SFXN4: variants seen among roughly 807,000 people sequenced by gnomAD.
SFXN4 encodes the protein sideroflexin 4, also known as sideroflexin-4.
A neutral mutation model predicts 54.6 loss-of-function variants in SFXN4; 48 were observed. The observed-to-expected ratio is 0.88, with a 90% CI of 0.70 to 1.12. SFXN4 has a LOEUF of 1.12. SFXN4 is among the 50% of genes most tolerant of loss of function. The probability of loss-of-function intolerance (pLI) is 0.00; values close to 1 mark genes in which losing one functional copy is unlikely to be tolerated. For missense variants in SFXN4, 383 were observed against 409.2 expected (o/e 0.94, Z 0.55); for synonymous variants, 130 against 145.5 (o/e 0.89, Z 0.77).
intron 5 of SFXN4, among the ~76,000 whole-genome samples, chr10:119,160,555 ATAAT>A (rs1354377542): frequency 2.0e-5 from 3 of 150,774 alleles, no homozygotes; most frequent in Non-Finnish European, 3.0e-5. Context: ...TGGGGGAGAA[ATAAT>A]TAAAGCAAGG....
At chr10:119,162,793 T>C (rs1274092491) in intron 2 of SFXN4, among the ~76,000 whole-genome samples, 1 of 152,112 alleles carries the variant, frequency 6.6e-6, no homozygotes, top group Non-Finnish European at 1.5e-5. Flanking sequence ...TTTCTTTCTT[T>C]CTTTTCTTAT....
At chr10:119,141,443 C>A in intron 13 of SFXN4, 124 bp from the exon 14 acceptor site, 1 of 455,182 alleles carries the variant, frequency 2.2e-6, no homozygotes, top group Non-Finnish European at 3.8e-6. Context: ...AATGTCTAAT[C>A]TATAGCAGAA....
intron 13 of SFXN4, 140 bp downstream of exon 13, chr10:119,146,096 G>T (rs147478347): frequency 6.0e-5 from 32 of 531,998 alleles, no homozygotes; most frequent in African/African-American, 6.0e-4. Flanking sequence ...AAAGTGCTGG[G>T]ATTACAGGTG....
chr10:119,146,461 GCAC>G (rs1564814741), intron 12 of SFXN4, 108 bp from the exon 13 acceptor site: 93 of 473,176 alleles, frequency 2.0e-4, no homozygotes, highest in Admixed American at 1.9e-3. Flanking sequence ...GTGTGTGTGT[GCAC>G]GTGTGTGTGT....
chr10:119,159,729 G>A lies in SFXN4; in HGVS notation c.359C>T (p.Thr120Met), dbSNP rs1254398721. The A allele has an allele frequency of 8.1e-6, 13 of 1,613,852 alleles. No individual in the cohort carries two copies. Among genetic ancestry groups the A allele is most frequent in the Admixed American group, 1.7e-5 (1 of 59,978 alleles). Residue 120 changes from threonine to methionine, a missense_variant and splice_region_variant, in exon 6 of 14, where the codon ACG (threonine) becomes ATG (methionine). Transcript: ENST00000355697. The stretch of plus-strand genomic sequence containing the variant: ...AACGGCAAATGTCTGCTTGCTCACC[G>A]TGGGTGCCATGAAAGGCAGGAACGC... ...PAAFLPFMAP[T>M]VFLSMTPLKG...
At chr10:119,159,011 G>A (rs1367842812) in intron 6 of SFXN4, among the ~76,000 whole-genome samples, 1 of 150,514 alleles carries the variant, frequency 6.6e-6, no homozygotes, top group Non-Finnish European at 1.5e-5. Context: ...CAGGCATGGT[G>A]GCTCACGCCT....
chr10:119,145,719 G>T (rs969714647), intron 13 of SFXN4, among the ~76,000 whole-genome samples: 1 of 152,076 alleles, frequency 6.6e-6, no homozygotes, highest in African/African-American at 2.4e-5. Context: ...TAAGCCTTCC[G>T]GTCAACAGTA....
Position 119,142,726 on chromosome 10 carries a change from AT to A in SFXN4, c.937-1408del, listed in dbSNP as rs573311460. On this transcript the variant is annotated intron_variant, in intron 13 of 13. Coordinates refer to ENST00000355697, the MANE Select transcript of SFXN4 (RefSeq NM_213649.2). Reference sequence around the variant, plus strand: ...CCACCACGTCCAGCTAATGTTTTGAATTTTTTTTTTTTTTTTTTTTTTTGAT... The same window carrying A: ...CCACCACGTCCAGCTAATGTTTTGAATTTTTTTTTTTTTTTTTTTTTTGAT... Among the ~76,000 whole-genome samples the A allele has an allele frequency of 0.017, 1,317 of 77,428 alleles. 41 individuals carry two copies. The East Asian group carries it at 0.19, about 11-fold the overall frequency. 50.8% of individuals were successfully genotyped at this position (77,428 alleles called of 152,430 possible). A position where few individuals can be genotyped will look rare whatever the true frequency, so the allele number is the denominator to read the frequency against.
In SFXN4 at chr10:119,156,695, A is replaced by T; in HGVS notation, c.599T>A (p.Leu200Ter). 1 of 1,611,020 alleles carries T rather than the reference A, an allele frequency of 6.2e-7. No homozygotes were observed. Among genetic ancestry groups the T allele is most frequent in the Non-Finnish European group, 8.5e-7 (1 of 1,178,384 alleles). Residue 200 changes from leucine (L) to a stop codon, truncating the protein, a stop_gained, in exon 10 of 14, where the codon TTA becomes TAA. Transcript: ENST00000355697. LOFTEE classifies it high-confidence loss of function. The part of the protein sequence containing the change: ...GLTGPWIKRL[L>*]PVIFLVQASG... ...CTGCTCACCGAGGAAGATCACAGGT[A>T]AGAGTCTTTTAATCCAAGGGCCAGT...
chr10:119,141,219 A>G lies in SFXN4; in HGVS notation c.*23T>C, dbSNP rs1846507556. The G allele has an allele frequency of 1.9e-6, 3 of 1,572,430 alleles. No homozygotes were observed. The African/African-American group carries it at 4.1e-5, about 21-fold the overall frequency. On this transcript the variant is annotated 3_prime_UTR_variant, in exon 14 of 14. Transcript: ENST00000355697. ...GGGAAGGTTTTCAAGCAGGAACCAC[A>G]TAAATTCACCTAAAACTCACGCCTA...
Position 119,164,268 on chromosome 10 carries a change from C to CTTTTT in SFXN4, c.112-77_112-73dup, listed in dbSNP as rs35023478. On this transcript the variant is annotated intron_variant, in intron 1 of 13. Transcript: ENST00000355697. The stretch of plus-strand genomic sequence containing the variant: ...TAAAGATATAAATACTAACAGTTGG[C>CTTTTT]TTTTTTTTTTTTTTTCTGAGAACCT... The CTTTTT allele has an allele frequency of 8.1e-3, 4,071 of 502,858 alleles. 15 individuals are homozygous for CTTTTT. Among genetic ancestry groups the CTTTTT allele is most frequent in the Middle Eastern group, 0.018 (32 of 1,762 alleles). The allele number at this position is 502,858 out of a possible 1,614,324, so 31.1% of individuals were successfully genotyped here.
At chr10:119,159,979 C>G (rs981676182) in intron 5 of SFXN4, among the ~76,000 whole-genome samples, 77 of 152,162 alleles carry the variant, frequency 5.1e-4, no homozygotes, top group African/African-American at 1.8e-3. Flanking sequence ...GAGTTCGAGA[C>G]CAGCCTCTAT....
intron 13 of SFXN4, among the ~76,000 whole-genome samples, chr10:119,143,566 AC>A (rs1180932309): frequency 6.6e-6 from 1 of 151,446 alleles, no homozygotes; most frequent in Non-Finnish European, 1.5e-5. Context: ...CTGGTCTCGA[AC>A]CCTGAGCTCA....
chr10:119,149,246 C>T (rs1846950059), intron 11 of SFXN4, among the ~76,000 whole-genome samples: 1 of 152,274 alleles, frequency 6.6e-6, no homozygotes, highest in Non-Finnish European at 1.5e-5. Context: ...CACCTGCGCC[C>T]GTCCTTCCCT....
chr10:119,160,132 T>C (rs1372540081), intron 5 of SFXN4, among the ~76,000 whole-genome samples: 1 of 151,884 alleles, frequency 6.6e-6, no homozygotes, highest in African/African-American at 2.4e-5. Flanking sequence ...TGAGCTATTA[T>C]GGTGCTACTG....
In SFXN4 at chr10:119,164,179, A is replaced by G; in HGVS notation, c.129T>C (p.Phe43=). The change falls in exon 2 of 14, where the codon TTT becomes TTC. Residue 43 remains phenylalanine (F), a synonymous_variant. Coordinates refer to ENST00000355697, the MANE Select transcript of SFXN4 (RefSeq NM_213649.2). ...GATCTAATAATTCTGTCCATTGAAG[A>G]AATCGTCGAATAAAGGACTTAGGAG... ...ITERQSFIRR[F]LQWTELLDPT... is the part of the protein sequence containing the mutation. The G allele has an allele frequency of 6.3e-7, 1 of 1,594,430 alleles. No individual in the cohort carries two copies. The highest frequency in any genetic ancestry group is 2.2e-5 in the East Asian group (1 of 44,612).
chr10:119,165,327 G>A (rs1477665886), intron 1 of SFXN4: 20 of 1,288,990 alleles, frequency 1.6e-5, no homozygotes, highest in Non-Finnish European at 1.8e-5. Flanking sequence ...TGTGGTCGTG[G>A]GCATCTGGCA....
intron 6 of SFXN4, among the ~76,000 whole-genome samples, chr10:119,159,047 A>C (rs960794848): frequency 1.3e-5 from 2 of 152,140 alleles, no homozygotes; most frequent in Admixed American, 6.6e-5. Flanking sequence ...TCGGAGGCCA[A>C]GGTGGGTGGA....
chr10:119,158,012 A>T lies in SFXN4; in HGVS notation c.411T>A (p.Pro137=). 5.6e-6 allele frequency: 9 copies of T among 1,614,196 alleles called. No homozygotes were observed. The highest frequency in any genetic ancestry group is 7.6e-6 in the Non-Finnish European group (9 of 1,179,994). The change falls in exon 7 of 14, where the codon CCT becomes CCA. Residue 137 remains proline (P), a synonymous_variant. Coordinates refer to ENST00000355697, the MANE Select transcript of SFXN4 (RefSeq NM_213649.2). The part of the protein sequence containing the change: ...PLKGIKSVIL[P]QVFLCAYMAA... ...GTGAAACAGGAAGAATGGCTACCTGAGGTAAAATCACGGACTTGATCCCTT... is the reference window on the plus strand; with the variant it reads ...GTGAAACAGGAAGAATGGCTACCTGTGGTAAAATCACGGACTTGATCCCTT...
Sources: gnomAD v4.1 joint callset for allele counts (sites outside exome capture counted in the v4.1 genomes callset) on GRCh38, gnomAD v4.1.1 for gene constraint, MANE v1.5 for transcripts, NCBI Gene and HGNC (gene_info 2026-07-23, HGNC 2026-07-21) for gene names.